The following PDGFC variants were observed in gnomAD, a reference collection of about 807,000 sequenced individuals.
PDGFC encodes the protein platelet-derived growth factor C.
PDGFC carries 12 observed loss-of-function variants against 35.5 expected under a neutral mutation model. The ratio of observed to expected loss-of-function variants is 0.34; its 90% CI spans 0.22 to 0.55. The LOEUF (loss-of-function observed/expected upper bound fraction) is 0.55. PDGFC is among the 20% of genes least tolerant of loss of function. The pLI is 0.91. For missense variants in PDGFC, 322 were observed against 412.4 expected, an observed-to-expected ratio of 0.78 and a Z score of 1.90; for synonymous variants, 159 against 148.8, an observed-to-expected ratio of 1.07 and a Z score of -0.50.
chr4:156,867,509 C>T (rs574528644), intron 1 of PDGFC, among the ~76,000 whole-genome samples: 3 of 152,242 alleles, frequency 2.0e-5, no homozygotes, highest in South Asian at 2.1e-4. Flanking sequence ...GAAAGGGGTG[C>T]GCACAGAGCT....
chr4:156,941,626 T>C lies in PDGFC; in HGVS notation c.118+29160A>G, dbSNP rs537455239. Among the ~76,000 whole-genome samples, 5 of 152,296 alleles carry C rather than the reference T, an allele frequency of 3.3e-5. No homozygotes were observed. In the East Asian group the frequency reaches 9.7e-4, roughly 29 times the overall value. On this transcript the variant is annotated intron_variant, in intron 1 of 5. Transcript: ENST00000502773. ...GCAAAAGAAAATACCAAATAATGTG[T>C]TTGCTCAATGCTGTTTCCAAACACT...
chr4:156,834,485 A>G (rs1200397830), intron 2 of PDGFC, among the ~76,000 whole-genome samples: 1 of 152,226 alleles, frequency 6.6e-6, no homozygotes, highest in Non-Finnish European at 1.5e-5. Context: ...AAATATTTTG[A>G]TATCATGAAC....
At chr4:156,821,428 T>G in intron 2 of PDGFC, among the ~76,000 whole-genome samples, 1 of 151,840 alleles carries the variant, frequency 6.6e-6, no homozygotes, top group African/African-American at 2.4e-5. Flanking sequence ...TTTGTAGAGA[T>G]AAGGGTCTCA....
chr4:156,838,521 T>TA (rs113185265), intron 2 of PDGFC, among the ~76,000 whole-genome samples: 9,036 of 152,206 alleles, frequency 0.059, 889 homozygotes, highest in African/African-American at 0.21. Flanking sequence ...TGCTATCTTA[T>TA]GAGGACAGCC....
intron 1 of PDGFC, among the ~76,000 whole-genome samples, chr4:156,952,219 T>G (rs1732100789): frequency 6.6e-6 from 1 of 151,824 alleles, no homozygotes; most frequent in Non-Finnish European, 1.5e-5. Flanking sequence ...AAAGAAGTCA[T>G]GAAACAGTCA....
intron 1 of PDGFC, among the ~76,000 whole-genome samples, chr4:156,929,637 C>A (rs771397442): frequency 6.6e-6 from 1 of 152,168 alleles, no homozygotes; most frequent in Non-Finnish European, 1.5e-5. Context: ...CCCTCTTCTT[C>A]CTTCAGTGAA....
intron 1 of PDGFC, among the ~76,000 whole-genome samples, chr4:156,946,045 T>C (rs779231288): frequency 1.3e-5 from 2 of 152,080 alleles, no homozygotes; most frequent in African/African-American, 4.8e-5. Context: ...TTGTAAACTA[T>C]GTAACATTTG....
chr4:156,960,152 T>C (rs1238293522), intron 1 of PDGFC, among the ~76,000 whole-genome samples: 1 of 151,350 alleles, frequency 6.6e-6, no homozygotes, highest in East Asian at 2.0e-4. Flanking sequence ...GGAAATTGCC[T>C]GCTATTTTCA....
rs1370861083 is a variant in PDGFC, at chr4:156,762,309, AATAG to A, written c.*777_*780del. On this transcript the variant is annotated 3_prime_UTR_variant, in exon 6 of 6. Coordinates refer to ENST00000502773, the MANE Select transcript of PDGFC (RefSeq NM_016205.3). ...AAGAATATTAAATACCTTTGGTAAA[AATAG>A]ATATATTTAACAAGATTAGAAAAGC... 6 of 152,632 alleles carry A rather than the reference AATAG, an allele frequency of 3.9e-5. No homozygotes were observed. Among genetic ancestry groups the A allele is most frequent in the African/African-American group, 1.4e-4 (6 of 41,448 alleles). 9.5% of individuals were successfully genotyped at this position (152,632 alleles called of 1,614,324 possible). A position where few individuals can be genotyped will look rare whatever the true frequency, so the allele number is the denominator to read the frequency against.
chr4:156,904,596 A>T (rs1194746861), intron 1 of PDGFC, among the ~76,000 whole-genome samples: 2 of 152,090 alleles, frequency 1.3e-5, no homozygotes, highest in Non-Finnish European at 2.9e-5. Context: ...ATCTTAGTAG[A>T]TACAAAGACA....
At chr4:156,966,555 T>C (rs1429670303) in intron 1 of PDGFC, among the ~76,000 whole-genome samples, 4 of 152,078 alleles carry the variant, frequency 2.6e-5, no homozygotes, top group Non-Finnish European at 5.9e-5. Context: ...CAAAAGTTTA[T>C]AGATAAAACT....
chr4:156,955,927 G>T (rs1369760627), intron 1 of PDGFC, among the ~76,000 whole-genome samples: 2 of 151,896 alleles, frequency 1.3e-5, no homozygotes, highest in African/African-American at 2.4e-5. Flanking sequence ...TCCTTTTCCG[G>T]TGAATTATTT....
chr4:156,846,826 A>C (rs937588701), intron 2 of PDGFC, among the ~76,000 whole-genome samples: 1 of 151,714 alleles, frequency 6.6e-6, no homozygotes, highest in Admixed American at 6.6e-5. Flanking sequence ...TCTTAGCAAA[A>C]TAAAAACGAA....
At chr4:156,785,064 G>A (rs965073064) in intron 3 of PDGFC, among the ~76,000 whole-genome samples, 3 of 152,168 alleles carry the variant, frequency 2.0e-5, no homozygotes, top group East Asian at 3.8e-4. Flanking sequence ...GTGTACATGA[G>A]AACAATGTAG....
intron 1 of PDGFC, among the ~76,000 whole-genome samples, chr4:156,915,458 G>A (rs4691383): frequency 0.24 from 36,300 of 151,868 alleles, 5,410 homozygotes; most frequent in East Asian, 0.5. Flanking sequence ...ACTAAAGAGG[G>A]AATCCTCAAG....
intron 1 of PDGFC, among the ~76,000 whole-genome samples, chr4:156,929,461 CA>C (rs34830477): frequency 0.016 from 1,757 of 112,516 alleles, 14 homozygotes; most frequent in African/African-American, 0.029. Flanking sequence ...GCATTCGTAG[CA>C]AAAAAAAAAA....
chr4:156,892,433 T>C (rs1194017805), intron 1 of PDGFC, among the ~76,000 whole-genome samples: 1 of 152,192 alleles, frequency 6.6e-6, no homozygotes, highest in African/African-American at 2.4e-5. Flanking sequence ...ATTTTTGTTG[T>C]TGCCACTTTT....
In PDGFC at chr4:156,776,805, C is replaced by A. The variant is rs116628610; in HGVS notation, c.496-3912G>T. Among the ~76,000 whole-genome samples the A allele has an allele frequency of 2.7e-3, 417 of 152,292 alleles. 1 individual carries two copies. The highest frequency in any genetic ancestry group is 3.8e-3 in the Non-Finnish European group (261 of 68,028). On this transcript the variant is annotated intron_variant, in intron 3 of 5. Transcript: ENST00000502773. ...GGACTCTAAATCCCAGAGATACTCA[C>A]ATGTAGGGAAGAGAGTTTGACTAAA...
At position 156,761,341 on chromosome 4, in the gene PDGFC, C is replaced by T. The variant is rs114616346; in HGVS notation, c.*1749G>A. ...AAGTTTTTTTCCAGTTTCATACTAC[C>T]ATACCACCTATCACCAAGCATTTCA... On this transcript the variant is annotated 3_prime_UTR_variant, in exon 6 of 6. Transcript: ENST00000502773. 1.8e-3 allele frequency: 278 copies of T among 152,298 alleles called. No individual in the cohort carries two copies. The highest frequency in any genetic ancestry group is 6.4e-3 in the African/African-American group (267 of 41,572). 9.4% of individuals were successfully genotyped at this position (152,298 alleles called of 1,614,324 possible). A position where few individuals can be genotyped will look rare whatever the true frequency, so the allele number is the denominator to read the frequency against.
Sources: gnomAD v4.1 joint callset for allele counts (sites outside exome capture counted in the v4.1 genomes callset) on GRCh38, gnomAD v4.1.1 for gene constraint, MANE v1.5 for transcripts, NCBI Gene and HGNC (gene_info 2026-07-23, HGNC 2026-07-21) for gene names.